Variants in OR1B1 observed in about 807,000 individuals in gnomAD.
OR1B1 encodes the protein olfactory receptor family 1 subfamily B member 1.
For synonymous variants in OR1B1, 168 were observed against 156.2 expected, an observed-to-expected ratio of 1.08 and a Z score of -0.57; for missense variants, 414 against 402.1, an observed-to-expected ratio of 1.03 and a Z score of -0.25.
chr9:122,630,981 C>T (rs1476471437), upstream of OR1B1, among the ~76,000 whole-genome samples: 1 of 152,048 alleles, frequency 6.6e-6, no homozygotes, highest in Middle Eastern at 3.2e-3. Context: ...GCTGGGATTA[C>T]AGGCATGAGC....
At chr9:122,629,165 C>T (rs139740700) in exon 1 of OR1B1, 25 of 1,613,856 alleles carry the variant, frequency 1.5e-5, no homozygotes, top group Middle Eastern at 1.6e-4. Context: ...GGCCACATAG[C>T]GATCCAGAGC....
chr9:122,645,318 GT>G, the OR1B1 span, among the ~76,000 whole-genome samples: 2 of 152,020 alleles, frequency 1.3e-5, no homozygotes, highest in Non-Finnish European at 2.9e-5. Flanking sequence ...CAGTTACAGA[GT>G]TTTGCTCTTA....
At chr9:122,629,387 A>G in exon 1 of OR1B1, 1 of 1,614,058 alleles carries the variant, frequency 6.2e-7, no homozygotes, top group South Asian at 1.1e-5. Context: ...CCAGGAGATG[A>G]GCAGCACCAG....
At chr9:122,629,075 G>A in exon 1 of OR1B1, 1 of 1,613,380 alleles carries the variant, frequency 6.2e-7, no homozygotes, top group Non-Finnish European at 8.5e-7. Context: ...GTGCAGTATG[G>A]ACACCACCCA....
At position 122,628,866 on chromosome 9, in the gene OR1B1, AAG is replaced by A; in HGVS notation, c.668_669del (p.Ser223LeufsTer74). 1.9e-6 allele frequency: 3 copies of A among 1,614,136 alleles called. No homozygotes were observed. The highest frequency in any genetic ancestry group is 2.5e-6 in the Non-Finnish European group (3 of 1,180,012). ...AGAATAGCGGCCCCAATTCGGACAT[AAG>A]AGAGTACAATGAGGGCACAGGGGCC... On this transcript the variant is annotated frameshift_variant, in exon 1 of 1. Coordinates refer to ENST00000623530, the Ensembl canonical transcript of OR1B1. LOFTEE classifies it low-confidence loss of function (END_TRUNC).
the OR1B1 span, among the ~76,000 whole-genome samples, chr9:122,651,988 A>G: frequency 1.3e-5 from 2 of 152,164 alleles, no homozygotes; most frequent in East Asian, 1.9e-4. Context: ...TATTGAAGAA[A>G]AAAGGTCTTG....
At chr9:122,643,758 T>C in the OR1B1 span, among the ~76,000 whole-genome samples, 1 of 152,212 alleles carries the variant, frequency 6.6e-6, no homozygotes, top group African/African-American at 2.4e-5. Context: ...GGACTTTGTC[T>C]TGCATCTTGG....
chr9:122,652,233 C>T, the OR1B1 span, among the ~76,000 whole-genome samples: 42 of 152,276 alleles, frequency 2.8e-4, no homozygotes, highest in Middle Eastern at 6.8e-3. Flanking sequence ...TATAATATTA[C>T]AACTTACCTA....
chr9:122,628,501 G>A (rs953595643), downstream of OR1B1: 68 of 925,284 alleles, frequency 7.3e-5, no homozygotes, highest in Non-Finnish European at 9.5e-5. Flanking sequence ...CCACCCCTCT[G>A]ATCTCCCCAA....
the OR1B1 span, among the ~76,000 whole-genome samples, chr9:122,643,430 G>A: frequency 6.6e-6 from 1 of 152,216 alleles, no homozygotes; most frequent in African/African-American, 2.4e-5. Context: ...AGCACTCGCT[G>A]GAGGGGAATC....
chr9:122,646,085 G>A, the OR1B1 span, among the ~76,000 whole-genome samples: 1 of 152,054 alleles, frequency 6.6e-6, no homozygotes, highest in African/African-American at 2.4e-5. Flanking sequence ...TTTGCTTTTT[G>A]TGTGTTTGTT....
At chr9:122,640,846 C>A in the OR1B1 span, among the ~76,000 whole-genome samples, 1 of 152,120 alleles carries the variant, frequency 6.6e-6, no homozygotes, top group South Asian at 2.1e-4. Context: ...ATTTATTTAT[C>A]CATCCATTTA....
At chr9:122,656,844 T>C in the OR1B1 span, among the ~76,000 whole-genome samples, 1 of 152,204 alleles carries the variant, frequency 6.6e-6, no homozygotes, top group African/African-American at 2.4e-5. Flanking sequence ...TTTATTTTAT[T>C]TACTTTATAA....
the OR1B1 span, among the ~76,000 whole-genome samples, chr9:122,654,239 A>G: frequency 1.3e-5 from 2 of 152,214 alleles, no homozygotes; most frequent in African/African-American, 4.8e-5. Context: ...ATTACAAATG[A>G]GGACAGTTTT....
At chr9:122,629,375 T>A in exon 1 of OR1B1, 1 of 1,613,246 alleles carries the variant, frequency 6.2e-7, no homozygotes, top group Non-Finnish European at 8.5e-7. Flanking sequence ...CAGTCTGGAG[T>A]CCCAGGAGAT....
the OR1B1 span, among the ~76,000 whole-genome samples, chr9:122,657,330 G>T: frequency 6.7e-6 from 1 of 148,410 alleles, no homozygotes; most frequent in African/African-American, 2.5e-5. Context: ...TTTACATAGA[G>T]TCAAACAAGG....
At chr9:122,644,547 G>A in the OR1B1 span, among the ~76,000 whole-genome samples, 1 of 152,196 alleles carries the variant, frequency 6.6e-6, no homozygotes, top group Non-Finnish European at 1.5e-5. Flanking sequence ...CACCCTGAAG[G>A]GAAGGCCCTT....
At chr9:122,634,933 ATG>A in the OR1B1 span, among the ~76,000 whole-genome samples, 10 of 152,200 alleles carry the variant, frequency 6.6e-5, no homozygotes, top group African/African-American at 2.4e-4. Context: ...GTTGGAAGGA[ATG>A]TAAATTGGTG....
the OR1B1 span, among the ~76,000 whole-genome samples, chr9:122,645,477 C>T: frequency 6.6e-6 from 1 of 151,886 alleles, no homozygotes; most frequent in African/African-American, 2.4e-5. Flanking sequence ...AAGACTCCCC[C>T]AAGGCATTTA....
Sources: allele counts gnomAD v4.1 joint callset (sites outside exome capture counted in the v4.1 genomes callset), GRCh38; gene constraint gnomAD v4.1.1; transcripts MANE v1.5; gene names NCBI Gene and HGNC (gene_info 2026-07-23, HGNC 2026-07-21).